Variants in MBP observed in about 807,000 individuals in gnomAD.
MBP encodes the protein Golli-MBP.
MBP carries 16 observed loss-of-function variants against 35.8 expected under a neutral mutation model. The ratio of observed to expected loss-of-function variants is 0.45; its 90% CI spans 0.30 to 0.68. The LOEUF (loss-of-function observed/expected upper bound fraction) is 0.68, where lower values mean the gene tolerates loss of function less well. Among genes scored for constraint, MBP ranks in the 30% least tolerant of loss-of-function variants. The pLI is 0.08. For synonymous variants in MBP, 143 were observed against 159.6 expected (o/e 0.90, Z 0.78); for missense variants, 380 against 404.7 (o/e 0.94, Z 0.52).
intron 3 of MBP, among the ~76,000 whole-genome samples, chr18:77,032,550 G>C (rs1269852237): frequency 6.6e-6 from 1 of 152,242 alleles, no homozygotes; most frequent in East Asian, 1.9e-4. Flanking sequence ...CGGGGTCGGC[G>C]AGGCGCGGCC....
At chr18:77,052,700 C>T (rs1363617593) in intron 3 of MBP, among the ~76,000 whole-genome samples, 3 of 152,156 alleles carry the variant, frequency 2.0e-5, no homozygotes, top group African/African-American at 7.2e-5. Context: ...CCCACCCATC[C>T]ACACGCTCAC....
intron 3 of MBP, among the ~76,000 whole-genome samples, chr18:77,023,278 G>A (rs1972064328): frequency 6.6e-6 from 1 of 152,194 alleles, no homozygotes; most frequent in Non-Finnish European, 1.5e-5. Flanking sequence ...ATGACCTGAG[G>A]AAGCTCATCT....
intron 3 of MBP, among the ~76,000 whole-genome samples, chr18:77,018,939 C>A (rs1838805440): frequency 7.8e-6 from 1 of 128,586 alleles, no homozygotes; most frequent in South Asian, 2.8e-4. Context: ...CATTTACCTA[C>A]CTGTTCATCC....
At chr18:77,002,637 G>T (rs1970699139) in intron 4 of MBP, among the ~76,000 whole-genome samples, 1 of 152,234 alleles carries the variant, frequency 6.6e-6, no homozygotes, top group African/African-American at 2.4e-5. Flanking sequence ...TCATTTTACA[G>T]ATTTGAATAT....
chr18:77,111,013 T>A (rs1568344813), intron 1 of MBP, among the ~76,000 whole-genome samples: 1 of 152,108 alleles, frequency 6.6e-6, no homozygotes, highest in Non-Finnish European at 1.5e-5. Flanking sequence ...TACGGGACCT[T>A]AAAGCTGAGC....
intron 3 of MBP, among the ~76,000 whole-genome samples, chr18:77,035,553 C>T (rs988328659): frequency 7.2e-5 from 11 of 152,222 alleles, no homozygotes; most frequent in Admixed American, 2.0e-4. Flanking sequence ...GAGAAACGTG[C>T]ATCACTCATG....
intron 4 of MBP, among the ~76,000 whole-genome samples, chr18:76,994,418 G>T (rs1032866641): frequency 1.3e-5 from 2 of 152,160 alleles, no homozygotes; most frequent in Non-Finnish European, 2.9e-5. Context: ...TTAGGGTTAG[G>T]TTAGGTTTCT....
At chr18:77,078,609 G>A (rs971379853) in intron 2 of MBP, among the ~76,000 whole-genome samples, 1 of 152,242 alleles carries the variant, frequency 6.6e-6, no homozygotes, top group African/African-American at 2.4e-5. Context: ...GATATGGCTG[G>A]AGCCTGGAGA....
chr18:77,091,400 TTTTA>T (rs1345085801), intron 2 of MBP, among the ~76,000 whole-genome samples: 1 of 152,200 alleles, frequency 6.6e-6, no homozygotes, highest in Non-Finnish European at 1.5e-5. Flanking sequence ...TAATATTGAA[TTTTA>T]TTTATAATTA....
intron 2 of MBP, among the ~76,000 whole-genome samples, chr18:77,068,524 C>T (rs1974302653): frequency 6.6e-6 from 1 of 152,204 alleles, no homozygotes; most frequent in Admixed American, 6.5e-5. Flanking sequence ...CTCCTCTGCT[C>T]GGCTCATTGG....
chr18:77,096,234 A>G (rs1403786611), intron 2 of MBP, among the ~76,000 whole-genome samples: 3 of 152,258 alleles, frequency 2.0e-5, no homozygotes, highest in Non-Finnish European at 4.4e-5. Flanking sequence ...TTACATGTTG[A>G]TGGAAAGAGC....
intron 3 of MBP, among the ~76,000 whole-genome samples, chr18:77,018,964 TCATCCATCCATC>T (rs58618620): frequency 0.012 from 1,423 of 122,536 alleles, 8 homozygotes; most frequent in African/African-American, 0.042. Context: ...ATCTATCCAT[TCATCCATCCATC>T]CATCCATCCA....
At chr18:76,985,398 C>A (rs1211450662) in intron 7 of MBP, 3 of 1,236,294 alleles carry the variant, frequency 2.4e-6, no homozygotes, top group Middle Eastern at 6.9e-4. Context: ...AGATTGGATT[C>A]TGGTCACATG....
intron 1 of MBP, among the ~76,000 whole-genome samples, chr18:77,107,844 T>C (rs933887221): frequency 3.3e-5 from 5 of 152,244 alleles, no homozygotes; most frequent in African/African-American, 1.2e-4. Context: ...ACAAGCCTAC[T>C]TACTTGCATT....
At chr18:77,029,212 C>G (rs1972426980) in intron 3 of MBP, among the ~76,000 whole-genome samples, 2 of 144,040 alleles carry the variant, frequency 1.4e-5, no homozygotes, top group Non-Finnish European at 3.1e-5. Context: ...AGCTGGAGAC[C>G]AGCCCGGCCA....
At chr18:77,091,116 C>G (rs1599227295) in intron 2 of MBP, among the ~76,000 whole-genome samples, 1 of 152,300 alleles carries the variant, frequency 6.6e-6, no homozygotes, top group South Asian at 2.1e-4. Context: ...GTGAACATTT[C>G]TAGACACTGG....
chr18:77,092,720 G>A (rs1318122654), intron 2 of MBP, among the ~76,000 whole-genome samples: 1 of 152,102 alleles, frequency 6.6e-6, no homozygotes, highest in Non-Finnish European at 1.5e-5. Flanking sequence ...AATAAGGAAG[G>A]GGGAGCTTTA....
chr18:77,053,958 C>T (rs1262548434), intron 3 of MBP, among the ~76,000 whole-genome samples: 2 of 152,236 alleles, frequency 1.3e-5, no homozygotes, highest in Non-Finnish European at 2.9e-5. Context: ...CTGTACTGCC[C>T]CACTCTGCAT....
chr18:77,043,448 G>C (rs1212358699), intron 3 of MBP, among the ~76,000 whole-genome samples: 1 of 152,122 alleles, frequency 6.6e-6, no homozygotes, highest in African/African-American at 2.4e-5. Flanking sequence ...TAAGTCTTGG[G>C]TTATTTCTGA....
Sources: gnomAD v4.1 joint callset for allele counts (sites outside exome capture counted in the v4.1 genomes callset) on GRCh38, gnomAD v4.1.1 for gene constraint, MANE v1.5 for transcripts, NCBI Gene and HGNC (gene_info 2026-07-23, HGNC 2026-07-21) for gene names.